EYS: variants seen among roughly 807,000 people sequenced by gnomAD.
EYS encodes the protein protein eyes shut homolog.
A neutral mutation model predicts 282.1 loss-of-function variants in EYS; 250 were observed. The ratio of observed to expected loss-of-function variants is 0.89; its 90% CI spans 0.80 to 0.98. EYS has a LOEUF of 0.98. Among genes scored for constraint, EYS ranks in the 50% least tolerant of loss-of-function variants. The probability of loss-of-function intolerance (pLI) is 0.00; values close to 1 mark genes in which losing one functional copy is unlikely to be tolerated. For synonymous variants in EYS, 1,355 were observed against 1,282.9 expected (o/e 1.06, Z -1.20); for missense variants, 4,016 against 3,709.0 (o/e 1.08, Z -2.15).
At chr6:64,959,961 A>T (rs1769858423) in intron 14 of EYS, among the ~76,000 whole-genome samples, 1 of 150,292 alleles carries the variant, frequency 6.7e-6, no homozygotes, top group Admixed American at 6.7e-5. Flanking sequence ...GCATGGGCAA[A>T]TGTGTGTTTA....
intron 10 of EYS, among the ~76,000 whole-genome samples, chr6:65,340,875 C>T (rs1435508233): frequency 6.6e-6 from 1 of 151,084 alleles, no homozygotes; most frequent in Non-Finnish European, 1.5e-5. Flanking sequence ...TGCCCTCACT[C>T]TCAAGGCTGG....
chr6:65,292,099 G>T (rs990252848), intron 12 of EYS, among the ~76,000 whole-genome samples: 19 of 151,644 alleles, frequency 1.3e-4, no homozygotes, highest in African/African-American at 4.1e-4. Flanking sequence ...TCTGAAGGAA[G>T]ACTACAATAT....
intron 10 of EYS, among the ~76,000 whole-genome samples, chr6:65,339,555 A>G (rs975851229): frequency 1.8e-5 from 2 of 112,310 alleles, no homozygotes; most frequent in East Asian, 5.5e-4. Flanking sequence ...GTATGTATAG[A>G]AAAAAATACA....
At chr6:64,812,240 TAC>T (rs71739816) in intron 22 of EYS, among the ~76,000 whole-genome samples, 20,319 of 147,838 alleles carry the variant, frequency 0.14, 1,533 homozygotes, top group East Asian at 0.35. Flanking sequence ...GGATTTAAAA[TAC>T]ACACACACAC....
intron 12 of EYS, among the ~76,000 whole-genome samples, chr6:65,199,549 A>C (rs187107613): frequency 4.4e-4 from 67 of 152,288 alleles, no homozygotes; most frequent in Non-Finnish European, 7.9e-4. Context: ...GAAACCAGAC[A>C]GTGCCATGAA....
intron 31 of EYS, among the ~76,000 whole-genome samples, chr6:64,138,790 A>C (rs1774245507): frequency 6.6e-6 from 1 of 152,232 alleles, no homozygotes; most frequent in African/African-American, 2.4e-5. Context: ...TGAGAGGTTG[A>C]CTGCTTCAAG....
At chr6:64,408,642 T>C (rs1442959576) in intron 28 of EYS, among the ~76,000 whole-genome samples, 1 of 152,166 alleles carries the variant, frequency 6.6e-6, no homozygotes, top group Non-Finnish European at 1.5e-5. Flanking sequence ...AAATACAATA[T>C]AGAATGTATT....
chr6:64,071,011 T>G (rs1436155866), intron 32 of EYS, among the ~76,000 whole-genome samples: 2 of 151,968 alleles, frequency 1.3e-5, no homozygotes, highest in African/African-American at 4.8e-5. Context: ...AGAGCTTACC[T>G]CCACTTAAAA....
intron 2 of EYS, among the ~76,000 whole-genome samples, chr6:65,609,179 C>A (rs1204929368): frequency 6.6e-6 from 1 of 151,908 alleles, no homozygotes; most frequent in Non-Finnish European, 1.5e-5. Flanking sequence ...AAGCATGTGA[C>A]TAATGCATTG....
At chr6:64,578,079 T>G (rs1217228779) in intron 26 of EYS, among the ~76,000 whole-genome samples, 1 of 152,066 alleles carries the variant, frequency 6.6e-6, no homozygotes, top group Non-Finnish European at 1.5e-5. Flanking sequence ...GATTAGGGCA[T>G]TAGCCTCTTA....
chr6:65,667,646 T>C (rs79724236), intron 1 of EYS, among the ~76,000 whole-genome samples: 2,633 of 151,994 alleles, frequency 0.017, 83 homozygotes, highest in African/African-American at 0.061. Flanking sequence ...CATATTAACA[T>C]GATTGTTCTC....
intron 35 of EYS, among the ~76,000 whole-genome samples, chr6:63,980,488 G>A (rs139734578): frequency 1.3e-5 from 2 of 151,752 alleles, no homozygotes; most frequent in Middle Eastern, 3.4e-3. Flanking sequence ...GAGGTAAAAG[G>A]GCTTTCTTCC....
intron 22 of EYS, among the ~76,000 whole-genome samples, chr6:64,675,803 T>C (rs774438768): frequency 2.0e-5 from 3 of 151,852 alleles, no homozygotes; most frequent in Non-Finnish European, 4.4e-5. Flanking sequence ...CTGTAAGTAC[T>C]TTACCTGCAC....
intron 31 of EYS, among the ~76,000 whole-genome samples, chr6:64,206,445 A>T (rs1269389689): frequency 2.6e-5 from 4 of 152,134 alleles, no homozygotes; most frequent in Non-Finnish European, 5.9e-5. Flanking sequence ...TCTAATTTCA[A>T]CTCATTGTTA....
intron 28 of EYS, among the ~76,000 whole-genome samples, chr6:64,398,420 A>G (rs982940605): frequency 6.6e-6 from 1 of 151,912 alleles, no homozygotes; most frequent in Admixed American, 6.6e-5. Flanking sequence ...TGCCCAGCAT[A>G]TGGTCAATTT....
intron 13 of EYS, among the ~76,000 whole-genome samples, chr6:65,027,869 G>A (rs1267215709): frequency 6.6e-6 from 1 of 152,090 alleles, no homozygotes; most frequent in African/African-American, 2.4e-5. Flanking sequence ...ATGTATAAAT[G>A]TACCCTATAA....
At position 64,886,759 on chromosome 6, in the gene EYS, T is replaced by C. The variant is rs1459465709; in HGVS notation, c.2930A>G (p.Asp977Gly). ...AGTCCTGTAGACACAATTTTCTTCA[T>C]CTAGACAAGGTGAGATTTTACATTT... ...VNKCKISPCL[D>G]EENCVYRTDG... The change falls in exon 19 of 43, where the codon GAT (aspartate) becomes GGT (glycine). Residue 977 changes from aspartate to glycine, a missense_variant. By Grantham distance (94) the Asp-to-Gly change is moderately conservative. Transcript: ENST00000503581. The C allele has an allele frequency of 3.2e-6, 5 of 1,547,930 alleles. No homozygotes were observed. The South Asian group carries it at 6.0e-5, about 18-fold the overall frequency.
chr6:64,972,019 A>G (rs1173872287), intron 14 of EYS, among the ~76,000 whole-genome samples: 1 of 152,130 alleles, frequency 6.6e-6, no homozygotes, highest in East Asian at 1.9e-4. Flanking sequence ...AGAATAAAGA[A>G]AAAACATGGT....
At chr6:64,592,142 T>C (rs1766432228) in intron 25 of EYS, among the ~76,000 whole-genome samples, 153 bp from the exon 26 acceptor site, 1 of 152,136 alleles carries the variant, frequency 6.6e-6, no homozygotes, top group Non-Finnish European at 1.5e-5. Flanking sequence ...CTAATAAAAG[T>C]ACATGAGGAG....
Sources: gnomAD v4.1 joint callset for allele counts (sites outside exome capture counted in the v4.1 genomes callset) on GRCh38, gnomAD v4.1.1 for gene constraint, MANE v1.5 for transcripts, NCBI Gene and HGNC (gene_info 2026-07-23, HGNC 2026-07-21) for gene names.